The following METTL24 variants were observed in gnomAD, a reference collection of about 807,000 sequenced individuals.
The protein encoded by METTL24 is methyltransferase like 24.
METTL24 carries 29 observed loss-of-function variants against 32.7 expected under a neutral mutation model. The observed-to-expected ratio is 0.89, with a 90% CI of 0.66 to 1.21. The LOEUF (loss-of-function observed/expected upper bound fraction) is 1.21, where lower values mean the gene tolerates loss of function less well. Among genes scored for constraint, METTL24 ranks in the 50% most tolerant of loss-of-function variants. METTL24 has a pLI of 0.00. For synonymous variants in METTL24, 163 were observed against 179.5 expected (o/e 0.91, Z 0.73); for missense variants, 439 against 468.1 (o/e 0.94, Z 0.57).
chr6:110,334,578 C>T lies in METTL24; in HGVS notation c.319-11706G>A, dbSNP rs183051781. Among the ~76,000 whole-genome samples the T allele has an allele frequency of 3.2e-3, 493 of 152,230 alleles. 1 individual carries two copies. The highest frequency in any genetic ancestry group is 5.4e-3 in the Admixed American group (83 of 15,294). On this transcript the variant is annotated intron_variant, in intron 1 of 4. Transcript: ENST00000338882. ...AAGCAGGACATAAAGTGCTCTGCCACGAGTAGACAGGCCCAGGGGTTGGGG... is the reference window on the plus strand; with the variant it reads ...AAGCAGGACATAAAGTGCTCTGCCATGAGTAGACAGGCCCAGGGGTTGGGG...
At chr6:110,352,897 G>A (rs998307034) in intron 1 of METTL24, among the ~76,000 whole-genome samples, 2 of 152,158 alleles carry the variant, frequency 1.3e-5, no homozygotes, top group African/African-American at 4.8e-5. Context: ...GACTAAAAAG[G>A]AAATCCAATT....
intron 4 of METTL24, among the ~76,000 whole-genome samples, chr6:110,269,642 T>G (rs975164944): frequency 9.2e-5 from 14 of 152,180 alleles, no homozygotes; most frequent in Admixed American, 2.0e-4. Flanking sequence ...GAAGAAGTTT[T>G]TTTGTTTGTT....
At chr6:110,267,395 A>C (rs182995629) in intron 4 of METTL24, among the ~76,000 whole-genome samples, 1 of 152,246 alleles carries the variant, frequency 6.6e-6, no homozygotes, top group Admixed American at 6.5e-5. Context: ...AGTACCTATT[A>C]CTTATATATA....
chr6:110,261,880 G>A (rs528990106), intron 4 of METTL24, among the ~76,000 whole-genome samples: 2 of 152,206 alleles, frequency 1.3e-5, no homozygotes, highest in African/African-American at 4.8e-5. Flanking sequence ...GGTACATAAC[G>A]AAATGAAGGC....
chr6:110,271,829 T>C (rs1770962714), intron 4 of METTL24, among the ~76,000 whole-genome samples: 1 of 152,204 alleles, frequency 6.6e-6, no homozygotes, highest in Non-Finnish European at 1.5e-5. Context: ...TCGCTGATAG[T>C]GCAAAAACAG....
intron 1 of METTL24, among the ~76,000 whole-genome samples, chr6:110,334,110 A>G (rs1772163829): frequency 6.7e-6 from 1 of 149,304 alleles, no homozygotes. Context: ...AAACAGAGGA[A>G]AGGGGGGTCT....
chr6:110,293,818 G>A (rs1205700567), intron 4 of METTL24, among the ~76,000 whole-genome samples: 1 of 151,792 alleles, frequency 6.6e-6, no homozygotes, highest in Non-Finnish European at 1.5e-5. Flanking sequence ...TTCTGTATCT[G>A]GAATCTCTGT....
At chr6:110,285,399 G>A (rs1582401197) in intron 4 of METTL24, among the ~76,000 whole-genome samples, 1 of 152,100 alleles carries the variant, frequency 6.6e-6, no homozygotes, top group Non-Finnish European at 1.5e-5. Context: ...AATAAATCAG[G>A]TTTTACCTCC....
intron 3 of METTL24, among the ~76,000 whole-genome samples, chr6:110,311,532 G>A (rs1269616135): frequency 1.5e-5 from 2 of 135,706 alleles, no homozygotes; most frequent in Non-Finnish European, 3.0e-5. Flanking sequence ...GGAGTGCAGT[G>A]GCACAATCTC....
chr6:110,280,159 A>G (rs947265526), intron 4 of METTL24, among the ~76,000 whole-genome samples: 1 of 152,174 alleles, frequency 6.6e-6, no homozygotes, highest in African/African-American at 2.4e-5. Context: ...CCCTACCTCC[A>G]ACATTTGGGA....
intron 1 of METTL24, among the ~76,000 whole-genome samples, chr6:110,327,528 T>C (rs940506311): frequency 6.6e-6 from 1 of 152,228 alleles, no homozygotes; most frequent in Non-Finnish European, 1.5e-5. Flanking sequence ...ATAGATGCCC[T>C]CAGAAGTGCT....
intron 4 of METTL24, among the ~76,000 whole-genome samples, chr6:110,291,409 T>C (rs1432179748): frequency 1.3e-5 from 2 of 152,174 alleles, no homozygotes; most frequent in Non-Finnish European, 2.9e-5. Context: ...TTTTTTCCCA[T>C]ACAGATAACC....
In METTL24 at chr6:110,245,688, A is replaced by G. The variant is rs924743444; in HGVS notation, c.*258T>C. On this transcript the variant is annotated 3_prime_UTR_variant, in exon 5 of 5. Transcript: ENST00000338882. Reference sequence around the variant, plus strand: ...ATAGAGAATTTTAGGGAAAACTGTGATGAGCTGGGGATAATCTTCCAAGTT... The same window carrying G: ...ATAGAGAATTTTAGGGAAAACTGTGGTGAGCTGGGGATAATCTTCCAAGTT... Among the ~76,000 whole-genome samples, 3 of 152,208 alleles carry G rather than the reference A, an allele frequency of 2.0e-5. No homozygotes were observed. Among genetic ancestry groups the G allele is most frequent in the Non-Finnish European group, 4.4e-5 (3 of 68,048 alleles).
At chr6:110,318,669 A>G (rs968703462) in intron 2 of METTL24, among the ~76,000 whole-genome samples, 3 of 141,176 alleles carry the variant, frequency 2.1e-5, no homozygotes, top group African/African-American at 2.7e-5. Flanking sequence ...AAAAAAAAAA[A>G]GAAAGAAAGA....
At chr6:110,247,997 C>T (rs935683497) in intron 4 of METTL24, among the ~76,000 whole-genome samples, 7 of 152,042 alleles carry the variant, frequency 4.6e-5, no homozygotes, top group African/African-American at 1.7e-4. Context: ...TGGTGCTGTC[C>T]TCGAGATAGT....
At chr6:110,274,772 CTT>C (rs34193104) in intron 4 of METTL24, among the ~76,000 whole-genome samples, 14 of 113,504 alleles carry the variant, frequency 1.2e-4, no homozygotes, top group African/African-American at 2.2e-4. Context: ...ATTTTGGTAG[CTT>C]TTTTTTTTTT....
chr6:110,348,471 A>G (rs1408862064), intron 1 of METTL24, among the ~76,000 whole-genome samples: 1 of 152,246 alleles, frequency 6.6e-6, no homozygotes, highest in African/African-American at 2.4e-5. Context: ...CTGAAGGAAA[A>G]GGCCCCCTTC....
chr6:110,281,869 A>C (rs753550388), intron 4 of METTL24, among the ~76,000 whole-genome samples: 3 of 152,150 alleles, frequency 2.0e-5, no homozygotes, highest in African/African-American at 4.8e-5. Context: ...AAATACAATG[A>C]CATAAGGCAA....
At chr6:110,264,833 G>A (rs1770821473) in intron 4 of METTL24, among the ~76,000 whole-genome samples, 1 of 152,082 alleles carries the variant, frequency 6.6e-6, no homozygotes, top group Non-Finnish European at 1.5e-5. Flanking sequence ...GGACATGGAT[G>A]AAGCTGGAAG....
Sources: gnomAD v4.1 joint callset for allele counts (sites outside exome capture counted in the v4.1 genomes callset) on GRCh38, gnomAD v4.1.1 for gene constraint, MANE v1.5 for transcripts, NCBI Gene and HGNC (gene_info 2026-07-23, HGNC 2026-07-21) for gene names.